The following FREM1 variants were observed in gnomAD, a reference collection of about 807,000 sequenced individuals.
The protein encoded by FREM1 is FRAS1 related extracellular matrix 1.
Under a neutral mutation model 210.1 loss-of-function variants are expected in FREM1, and 220 were observed. The ratio of observed to expected loss-of-function variants is 1.05; its 90% CI spans 0.94 to 1.17. The LOEUF (loss-of-function observed/expected upper bound fraction) is 1.17. Ranked by LOEUF, FREM1 falls within the 50% of genes most tolerant of loss-of-function variation. The pLI, the probability that FREM1 is intolerant of heterozygous loss-of-function variation, is 0.00. For synonymous variants in FREM1, 1,189 were observed against 980.2 expected (o/e 1.21, Z -3.98); for missense variants, 3,454 against 2,675.5 (o/e 1.29, Z -6.42).
At chr9:14,882,388 C>T (rs1208537568) in intron 1 of FREM1, among the ~76,000 whole-genome samples, 1 of 151,808 alleles carries the variant, frequency 6.6e-6, no homozygotes, top group Non-Finnish European at 1.5e-5. Flanking sequence ...CACCACAATG[C>T]TGTTGAAAGA....
intron 16 of FREM1, among the ~76,000 whole-genome samples, chr9:14,812,364 G>A (rs1441116531): frequency 2.6e-5 from 4 of 152,122 alleles, no homozygotes; most frequent in Admixed American, 6.5e-5. Flanking sequence ...AGACATTATC[G>A]TTACTTTTCA....
At chr9:14,844,944 T>G (rs1826326152) in intron 8 of FREM1, among the ~76,000 whole-genome samples, 1 of 152,226 alleles carries the variant, frequency 6.6e-6, no homozygotes, top group Admixed American at 6.5e-5. Context: ...ACACCCAACC[T>G]GACTGGTATA....
In FREM1 at chr9:14,860,976, T is replaced by C. The variant is rs1160407044; in HGVS notation, c.330-1492A>G. The stretch of plus-strand genomic sequence containing the variant: ...ATACACATATATACACATATATACA[T>C]ATATACACATATATACATATATATA... On this transcript the variant is annotated intron_variant, in intron 3 of 36. Transcript: ENST00000380880. Among the ~76,000 whole-genome samples the C allele has an allele frequency of 1.3e-3, 152 of 115,586 alleles. 20 individuals carry two copies. The highest frequency in any genetic ancestry group is 5.9e-3 in the African/African-American group (125 of 21,320). 75.8% of individuals were successfully genotyped at this position (115,586 alleles called of 152,430 possible). A position where few individuals can be genotyped will look rare whatever the true frequency, so the allele number is the denominator to read the frequency against.
chr9:14,768,795 T>C (rs1275684460), intron 27 of FREM1, among the ~76,000 whole-genome samples: 1 of 152,186 alleles, frequency 6.6e-6, no homozygotes, highest in Non-Finnish European at 1.5e-5. Flanking sequence ...CTCAGCTTTC[T>C]TTTCTTAATC....
rs570157298 is a variant in FREM1 at position 14,906,865 on chromosome 9, C to T, written c.-268+3049G>A. On this transcript the variant is annotated intron_variant, in intron 1 of 36. Transcript: ENST00000380880. ...GTAAAGGACTTGAGGCTCAGTCGCTCCCTGGGCATTTATCTGTCCTTTGTT... is the reference window on the plus strand; with the variant it reads ...GTAAAGGACTTGAGGCTCAGTCGCTTCCTGGGCATTTATCTGTCCTTTGTT... 2.0e-5 allele frequency among the ~76,000 whole-genome samples: 3 copies of T among 152,246 alleles called. No individual in the cohort carries two copies. The South Asian group carries it at 6.2e-4, about 32-fold the overall frequency.
intron 23 of FREM1, among the ~76,000 whole-genome samples, chr9:14,788,253 A>G (rs913954632): frequency 6.6e-6 from 1 of 152,190 alleles, no homozygotes; most frequent in African/African-American, 2.4e-5. Context: ...ACAGTTGGGT[A>G]TCAAGAGCTT....
intron 35 of FREM1, among the ~76,000 whole-genome samples, chr9:14,741,799 C>G (rs985368850): frequency 2.0e-5 from 3 of 152,160 alleles, no homozygotes; most frequent in Non-Finnish European, 4.4e-5. Flanking sequence ...ACTTTGCAGC[C>G]TCAACTTCAG....
intron 25 of FREM1, among the ~76,000 whole-genome samples, chr9:14,773,519 G>A (rs905949041): frequency 1.3e-5 from 2 of 152,002 alleles, no homozygotes; most frequent in South Asian, 4.2e-4. Flanking sequence ...AAAGCCTCTT[G>A]ACTTCTCTGC....
chr9:14,829,447 T>C (rs1477826467), intron 10 of FREM1, among the ~76,000 whole-genome samples: 1 of 152,096 alleles, frequency 6.6e-6, no homozygotes, highest in Non-Finnish European at 1.5e-5. Flanking sequence ...CCAACAAGCA[T>C]ATGTTGGAAA....
At position 14,859,501 on chromosome 9, in the gene FREM1, G is replaced by A. The variant is rs368298867; in HGVS notation, c.330-17C>T. 3.1e-6 allele frequency: 5 copies of A among 1,595,872 alleles called. No individual in the cohort carries two copies. In the African/African-American group the frequency reaches 6.7e-5, roughly 21 times the overall value. ...TCAGTAAATCTGTGGAGAACACAGG[G>A]CAAAAGCAATATTAATTGGTGCTCA... On this transcript the variant is annotated splice_polypyrimidine_tract_variant and intron_variant, in intron 3 of 36. Transcript: ENST00000380880.
chr9:14,858,510 T>A (rs1829211773), intron 4 of FREM1, among the ~76,000 whole-genome samples: 1 of 151,760 alleles, frequency 6.6e-6, no homozygotes, highest in Non-Finnish European at 1.5e-5. Context: ...ACCCACTTTT[T>A]TTTTTTTTTT....
chr9:14,861,302 C>CACATATAT (rs1169956793), intron 3 of FREM1, among the ~76,000 whole-genome samples: 1 of 109,814 alleles, frequency 9.1e-6, no homozygotes, highest in Non-Finnish European at 1.6e-5. Context: ...TACATATATA[C>CACATATAT]ACATATATAC....
At chr9:14,858,669 CA>C (rs2131548927) in intron 4 of FREM1, among the ~76,000 whole-genome samples, 1 of 152,230 alleles carries the variant, frequency 6.6e-6, no homozygotes, top group South Asian at 2.1e-4. Context: ...AGGAGGTGCC[CA>C]AAATAGGTTG....
intron 10 of FREM1, among the ~76,000 whole-genome samples, chr9:14,831,980 C>A (rs1222836583): frequency 2.0e-5 from 3 of 152,120 alleles, no homozygotes; most frequent in Non-Finnish European, 4.4e-5. Context: ...GATCACATAC[C>A]GAAAGGAAGG....
intron 1 of FREM1, among the ~76,000 whole-genome samples, chr9:14,892,355 C>G (rs1466982719): frequency 6.6e-6 from 1 of 152,002 alleles, no homozygotes; most frequent in East Asian, 1.9e-4. Context: ...GAGTAAATGA[C>G]GGGATTGGGT....
intron 13 of FREM1, among the ~76,000 whole-genome samples, chr9:14,822,274 C>G (rs754694087): frequency 6.6e-6 from 1 of 152,132 alleles, no homozygotes; most frequent in African/African-American, 2.4e-5. Flanking sequence ...CTAATACACC[C>G]ATCAAAACTT....
chr9:14,908,552 GA>G (rs201590721), intron 1 of FREM1, among the ~76,000 whole-genome samples: 102 of 147,038 alleles, frequency 6.9e-4, no homozygotes, highest in African/African-American at 1.8e-3. Context: ...AGGGAAGCAA[GA>G]AAAAAAAAAG....
At chr9:14,831,968 T>C (rs1023191467) in intron 10 of FREM1, among the ~76,000 whole-genome samples, 4 of 152,216 alleles carry the variant, frequency 2.6e-5, no homozygotes, top group Non-Finnish European at 4.4e-5. Context: ...ATCTCCATCC[T>C]GGATCACATA....
chr9:14,861,155 ACGTATATACACATGTATG>A lies in FREM1; in HGVS notation c.330-1689_330-1672del, dbSNP rs1430534855. On this transcript the variant is annotated intron_variant, in intron 3 of 36. Transcript: ENST00000380880. ...CATATATACATATATACACATATAT[ACGTATATACACATGTATG>A]TACATATATACACATATATACATAT... is the stretch of plus-strand genomic sequence containing the variant. 2.7e-3 allele frequency among the ~76,000 whole-genome samples: 282 copies of A among 105,780 alleles called. 30 individuals carry two copies. Among genetic ancestry groups the A allele is most frequent in the East Asian group, 0.016 (51 of 3,104 alleles). 69.4% of individuals were successfully genotyped at this position (105,780 alleles called of 152,430 possible). A position where few individuals can be genotyped will look rare whatever the true frequency, so the allele number is the denominator to read the frequency against.
Sources: gnomAD v4.1 joint callset for allele counts (sites outside exome capture counted in the v4.1 genomes callset) on GRCh38, gnomAD v4.1.1 for gene constraint, MANE v1.5 for transcripts, NCBI Gene and HGNC (gene_info 2026-07-23, HGNC 2026-07-21) for gene names.